The following DACH1 variants were observed in gnomAD, a reference collection of about 807,000 sequenced individuals.
DACH1 encodes the protein dachshund family transcription factor 1, also known as dachshund homolog 1.
A neutral mutation model predicts 54.2 loss-of-function variants in DACH1; 12 were observed. The ratio of observed to expected loss-of-function variants is 0.22; its 90% CI spans 0.14 to 0.36. DACH1 has a LOEUF of 0.36. Ranked by LOEUF, DACH1 falls within the 10% of genes least tolerant of loss-of-function variation. The pLI, the probability that DACH1 is intolerant of heterozygous loss-of-function variation, is 1.00. For synonymous variants in DACH1, 386 were observed against 366.2 expected, an observed-to-expected ratio of 1.05 and a Z score of -0.62; for missense variants, 805 against 929.8, an observed-to-expected ratio of 0.87 and a Z score of 1.75.
At chr13:71,446,835 C>T (rs1050867331) in intron 10 of DACH1, among the ~76,000 whole-genome samples, 1 of 152,170 alleles carries the variant, frequency 6.6e-6, no homozygotes, top group African/African-American at 2.4e-5. Flanking sequence ...AGAATTCTTA[C>T]AGCGTAGTTT....
chr13:71,628,077 A>T (rs2138562140), intron 3 of DACH1, among the ~76,000 whole-genome samples: 1 of 152,216 alleles, frequency 6.6e-6, no homozygotes, highest in Middle Eastern at 3.4e-3. Context: ...TTTTTCAGAT[A>T]TGGAGTTTTG....
At chr13:71,633,473 T>A (rs991433298) in intron 2 of DACH1, among the ~76,000 whole-genome samples, 1 of 152,156 alleles carries the variant, frequency 6.6e-6, no homozygotes, top group African/African-American at 2.4e-5. Context: ...AGCCCCTGAC[T>A]TTTAAAAATA....
intron 6 of DACH1, among the ~76,000 whole-genome samples, chr13:71,511,593 G>A (rs1050361570): frequency 7.9e-5 from 12 of 151,636 alleles, no homozygotes; most frequent in Admixed American, 7.9e-4. Flanking sequence ...AAAACATAAA[G>A]TAAAAAGAGA....
chr13:71,863,265 T>C (rs530889349), intron 1 of DACH1, among the ~76,000 whole-genome samples: 98 of 152,246 alleles, frequency 6.4e-4, no homozygotes, highest in Non-Finnish European at 1.3e-3. Context: ...TTACAAGTTC[T>C]CAATTTCTTC....
chr13:71,552,534 A>C (rs1883882153), intron 6 of DACH1, among the ~76,000 whole-genome samples: 1 of 151,706 alleles, frequency 6.6e-6, no homozygotes, highest in Admixed American at 6.6e-5. Flanking sequence ...ACCAAAACAA[A>C]TTATGCATGA....
intron 6 of DACH1, among the ~76,000 whole-genome samples, chr13:71,548,703 G>T (rs919336046): frequency 7.9e-5 from 12 of 152,080 alleles, no homozygotes; most frequent in Non-Finnish European, 1.8e-4. Context: ...GATTGCCTGA[G>T]CCCAGGAGTT....
intron 1 of DACH1, among the ~76,000 whole-genome samples, chr13:71,836,898 G>C (rs993691569): frequency 6.9e-4 from 105 of 152,046 alleles, no homozygotes; most frequent in African/African-American, 2.4e-3. Context: ...AGCCCTATGA[G>C]GGTAGGGATT....
chr13:71,447,095 A>C (rs2138106257), intron 10 of DACH1, among the ~76,000 whole-genome samples: 1 of 152,362 alleles, frequency 6.6e-6, no homozygotes, highest in East Asian at 1.9e-4. Flanking sequence ...CTCGTGTCTA[A>C]GAAAGCATTT....
intron 6 of DACH1, among the ~76,000 whole-genome samples, chr13:71,515,036 C>T (rs561737469): frequency 1.3e-5 from 2 of 151,952 alleles, no homozygotes; most frequent in East Asian, 1.9e-4. Flanking sequence ...TTGCACAATG[C>T]ACATATACTA....
At chr13:71,753,291 G>A (rs1441094604) in intron 1 of DACH1, among the ~76,000 whole-genome samples, 2 of 151,948 alleles carry the variant, frequency 1.3e-5, no homozygotes, top group Non-Finnish European at 2.9e-5. Flanking sequence ...TCAATATCTC[G>A]CTGCAATATA....
chr13:71,709,132 C>T (rs995971820), intron 1 of DACH1, among the ~76,000 whole-genome samples: 2 of 152,016 alleles, frequency 1.3e-5, no homozygotes, highest in African/African-American at 2.4e-5. Flanking sequence ...GGATTACAGG[C>T]GTGAGCCACC....
rs200202592 is a variant in DACH1, at chr13:71,744,721, A to ACTATAAATC, written c.849-62820_849-62812dup. 3.0e-3 allele frequency among the ~76,000 whole-genome samples: 452 copies of ACTATAAATC among 152,352 alleles called. 3 individuals are homozygous for ACTATAAATC. Among genetic ancestry groups the ACTATAAATC allele is most frequent in the African/African-American group, 0.01 (431 of 41,592 alleles). The stretch of plus-strand genomic sequence containing the variant: ...TTGGGATTTAAACATTTCTATGAAA[A>ACTATAAATC]CTATAAATCAAATTTCATATGATTT... On this transcript the variant is annotated intron_variant, in intron 1 of 10. Transcript: ENST00000613252.
rs530672616 is a variant in DACH1 at position 71,866,406 on chromosome 13, TGCCGCCGCC to T, written c.355_363del (p.Gly119_Gly121del). 6 of 1,421,384 alleles carry T rather than the reference TGCCGCCGCC, an allele frequency of 4.2e-6. No individual in the cohort carries two copies. Among genetic ancestry groups the T allele is most frequent in the South Asian group, 4.0e-5 (3 of 74,578 alleles). 88.0% of individuals were successfully genotyped at this position (1,421,384 alleles called of 1,614,324 possible). A position where few individuals can be genotyped will look rare whatever the true frequency, so the allele number is the denominator to read the frequency against. On this transcript the variant is annotated inframe_deletion, in exon 1 of 11. Transcript: ENST00000613252. ...GAAGCGACGCCGCCGCCAGCGCTGA[TGCCGCCGCC>T]GCCGCCGCCGCTGCCGTTGCTCGCG...
intron 1 of DACH1, among the ~76,000 whole-genome samples, chr13:71,748,958 TTCTTTCTCTC>T (rs1485613485): frequency 3.4e-5 from 1 of 29,084 alleles, no homozygotes; most frequent in Admixed American, 3.3e-4. Flanking sequence ...CTTTCTCTCT[TTCTTTCTCTC>T]TCTCTCTTTC....
At position 71,546,238 on chromosome 13, in the gene DACH1, C is replaced by G. The variant is rs376064404; in HGVS notation, c.1570+10786G>C. Among the ~76,000 whole-genome samples the G allele has an allele frequency of 1.3e-3, 195 of 152,052 alleles. 2 individuals are homozygous for G. The South Asian group carries it at 0.014, about 11-fold the overall frequency. ...CACACAGGATTGTCAGACTGATTTA[C>G]CTTCACAAAAGTATAATTCTCAAGC... On this transcript the variant is annotated intron_variant, in intron 6 of 10. Transcript: ENST00000613252.
chr13:71,448,614 T>C (rs2138109875), intron 10 of DACH1, among the ~76,000 whole-genome samples: 1 of 152,300 alleles, frequency 6.6e-6, no homozygotes, highest in South Asian at 2.1e-4. Flanking sequence ...AGACACAAAG[T>C]CTACATTAAA....
intron 6 of DACH1, among the ~76,000 whole-genome samples, chr13:71,501,719 T>C (rs578011021): frequency 7.2e-5 from 11 of 152,284 alleles, no homozygotes; most frequent in Admixed American, 5.9e-4. Flanking sequence ...TATTAACTTA[T>C]AACTTATTCT....
At chr13:71,618,021 G>T (rs1422330318) in intron 3 of DACH1, among the ~76,000 whole-genome samples, 3 of 152,110 alleles carry the variant, frequency 2.0e-5, no homozygotes, top group African/African-American at 7.2e-5. Context: ...CACACCTACA[G>T]TCAACCGTAA....
At chr13:71,594,224 AT>A (rs1483490843) in intron 3 of DACH1, among the ~76,000 whole-genome samples, 1 of 151,744 alleles carries the variant, frequency 6.6e-6, no homozygotes, top group Non-Finnish European at 1.5e-5. Context: ...TTACAAAGGT[AT>A]TTTTAAAAGG....
Sources: allele counts gnomAD v4.1 joint callset (sites outside exome capture counted in the v4.1 genomes callset), GRCh38; gene constraint gnomAD v4.1.1; transcripts MANE v1.5; gene names NCBI Gene and HGNC (gene_info 2026-07-23, HGNC 2026-07-21).